PNPLA4: variants seen among roughly 807,000 people sequenced by gnomAD.
PNPLA4 encodes patatin-like phospholipase domain-containing protein 4.
PNPLA4 carries 15 observed loss-of-function variants against 18.3 expected under a neutral mutation model. That is an observed-to-expected ratio of 0.82 (90% CI 0.55 to 1.26). PNPLA4 has a LOEUF of 1.26. Among genes scored for constraint, PNPLA4 ranks in the 50% most tolerant of loss-of-function variants. PNPLA4 has a pLI of 0.00. For missense variants in PNPLA4, 229 were observed against 196.8 expected (o/e 1.16, Z -0.98); for synonymous variants, 88 against 85.6 (o/e 1.03, Z -0.16).
chrX:7,901,115 C>T (rs1206941571), intron 6 of PNPLA4, among the ~76,000 whole-genome samples: 1 of 111,415 alleles, frequency 9.0e-6, no homozygotes, highest in African/African-American at 3.3e-5. Flanking sequence ...ACCACTGGGA[C>T]ATGATAACCA....
chrX:7,911,980 C>A, intron 5 of PNPLA4, 48 bp downstream of exon 5: 1 of 873,137 alleles, frequency 1.1e-6, no homozygotes, highest in South Asian at 2.1e-5. Flanking sequence ...TCAAAAGAAA[C>A]ATATTAATAT....
chrX:7,922,573 C>T (rs1924264119), intron 2 of PNPLA4, among the ~76,000 whole-genome samples: 1 of 111,914 alleles, frequency 8.9e-6, no homozygotes, highest in Non-Finnish European at 1.9e-5. Context: ...GGAGATTCAT[C>T]TTGGGCACTG....
At chrX:7,920,341 A>G (rs774304805) in intron 4 of PNPLA4, among the ~76,000 whole-genome samples, 1 of 111,885 alleles carries the variant, frequency 8.9e-6, no homozygotes, top group Non-Finnish European at 1.9e-5. Flanking sequence ...AGGACCACTT[A>G]GCATGGGTTG....
rs749990216 is a variant in PNPLA4, at chrX:7,898,820, T to C, written c.*1866A>G. On this transcript the variant is annotated 3_prime_UTR_variant, in exon 7 of 7. Transcript: ENST00000381042. ...CCTCCCACAGGGTCAAATACATATG[T>C]AGTCGATACAAGATACTTCAAAAAA... The C allele has an allele frequency of 5.2e-4, 58 of 111,774 alleles. No homozygotes were observed. The highest frequency in any genetic ancestry group is 1.9e-3 in the African/African-American group (57 of 30,803). The allele number at this position is 111,774 out of a possible 1,213,427, so 9.2% of individuals were successfully genotyped here. A position where few individuals can be genotyped will look rare whatever the true frequency, so the allele number is the denominator to read the frequency against.
At chrX:7,927,631 T>C (rs1356527349), upstream of PNPLA4, 1 of 113,437 alleles carries the variant, frequency 8.8e-6, no homozygotes, top group Non-Finnish European at 1.9e-5. Context: ...AGAGAGGCGT[T>C]GTAATCCTTA....
At position 7,900,557 on chromosome X, in the gene PNPLA4, A is replaced by T. The variant is rs1231481307; in HGVS notation, c.*129T>A. 1 of 457,361 alleles carries T rather than the reference A, an allele frequency of 2.2e-6. No homozygotes were observed. Among genetic ancestry groups the T allele is most frequent in the East Asian group, 4.1e-5 (1 of 24,360 alleles). The allele number at this position is 457,361 out of a possible 1,213,427, so 37.7% of individuals were successfully genotyped here. On this transcript the variant is annotated 3_prime_UTR_variant, in exon 7 of 7. Transcript: ENST00000381042. ...TGTGCTAAGTAATAATTCAAATATT[A>T]AAAATAAACACAAATATTACAAGGA... is the stretch of plus-strand genomic sequence containing the variant.
Position 7,899,207 on chromosome X carries a change from T to G in PNPLA4, c.*1479A>C, listed in dbSNP as rs1283716481. The G allele has an allele frequency of 8.9e-6, 1 of 111,822 alleles. No homozygotes were observed. Among genetic ancestry groups the G allele is most frequent in the Non-Finnish European group, 1.9e-5 (1 of 53,189 alleles). 9.2% of individuals were successfully genotyped at this position (111,822 alleles called of 1,213,427 possible). A position where few individuals can be genotyped will look rare whatever the true frequency, so the allele number is the denominator to read the frequency against. On this transcript the variant is annotated 3_prime_UTR_variant, in exon 7 of 7. Transcript: ENST00000381042. ...GTGTTTATGTGCTAAAAGTTGTGTA[T>G]TTTGGCTTCTGAGAACCATAAAATT...
At chrX:7,908,625 T>A (rs188739468) in intron 5 of PNPLA4, among the ~76,000 whole-genome samples, 1 of 112,170 alleles carries the variant, frequency 8.9e-6, no homozygotes, top group African/African-American at 3.2e-5. Context: ...TCTGGTGTTA[T>A]AAACAATGCA....
At chrX:7,917,943 T>C (rs1398541053) in intron 4 of PNPLA4, among the ~76,000 whole-genome samples, 2 of 112,250 alleles carry the variant, frequency 1.8e-5, no homozygotes, top group African/African-American at 6.5e-5. Context: ...TAGTGGATAA[T>C]GAAAAACTAG....
At chrX:7,910,225 G>A (rs1923829709) in intron 5 of PNPLA4, among the ~76,000 whole-genome samples, 1 of 111,546 alleles carries the variant, frequency 9.0e-6, no homozygotes. Context: ...ATTATGATTT[G>A]CACTAGAGAG....
chrX:7,913,136 C>T (rs766664015), intron 4 of PNPLA4, among the ~76,000 whole-genome samples: 19 of 111,897 alleles, frequency 1.7e-4, no homozygotes, highest in Non-Finnish European at 3.2e-4. Flanking sequence ...TCCACTCTTG[C>T]CATGTTTATT....
chrX:7,914,668 T>C (rs1471098406), intron 4 of PNPLA4, among the ~76,000 whole-genome samples: 6 of 111,762 alleles, frequency 5.4e-5, no homozygotes, highest in African/African-American at 2.0e-4. Context: ...AATACATAAA[T>C]ATAATGATTT....
intron 3 of PNPLA4, 53 bp from the exon 4 acceptor site, chrX:7,921,901 G>A: frequency 8.8e-7 from 1 of 1,142,325 alleles, no homozygotes; most frequent in Non-Finnish European, 1.2e-6. Flanking sequence ...TGAACTCCCT[G>A]TAAATATTTT....
chrX:7,911,495 T>TC (rs1923874972), intron 5 of PNPLA4, among the ~76,000 whole-genome samples: 1 of 110,990 alleles, frequency 9.0e-6, no homozygotes, highest in South Asian at 3.9e-4. Context: ...TGGCATCCTG[T>TC]CTTAAGTGCC....
intron 4 of PNPLA4, among the ~76,000 whole-genome samples, chrX:7,920,145 A>C (rs969967005): frequency 7.8e-4 from 87 of 111,445 alleles, no homozygotes; most frequent in African/African-American, 2.6e-3. Context: ...GGATGTGGGG[A>C]GATCAGGGGC....
In PNPLA4 at chrX:7,926,022, A is replaced by C. The variant is rs751211558; in HGVS notation, c.98T>G (p.Val33Gly). 1.1e-5 allele frequency: 13 copies of C among 1,211,682 alleles called. No homozygotes were observed. The highest frequency in any genetic ancestry group is 1.5e-5 in the Non-Finnish European group (13 of 895,026). Residue 33 changes from valine to glycine, a missense_variant, in exon 2 of 7, where the codon GTG becomes GGG. Transcript: ENST00000381042. ...CCCAGCGAAGGCTTTGACATCCTTC[A>C]CAAGTTTTTTGCCATGTCTGCAAAG... is the stretch of plus-strand genomic sequence containing the variant. ...SALCRHGKKL[V>G]KDVKAFAGAS...
chrX:7,904,866 T>C (rs774725999), intron 5 of PNPLA4, among the ~76,000 whole-genome samples: 2 of 111,798 alleles, frequency 1.8e-5, no homozygotes, highest in East Asian at 5.6e-4. Context: ...CCGTTAGAGT[T>C]TTCCTGTGTG....
intron 5 of PNPLA4, among the ~76,000 whole-genome samples, chrX:7,909,317 T>C (rs1350059132): frequency 2.7e-5 from 3 of 111,783 alleles, no homozygotes; most frequent in African/African-American, 9.8e-5. Flanking sequence ...CCCAGCACTT[T>C]CGGAAGCCAA....
rs954876210 is a variant in PNPLA4, at chrX:7,927,383, C to T, written c.-111G>A. ...ACGCCATTCCGCCACCAAGGCCGCGCTACGCTCTCCGCGAGCCGGCCCAGG... is the reference window on the plus strand; with the variant it reads ...ACGCCATTCCGCCACCAAGGCCGCGTTACGCTCTCCGCGAGCCGGCCCAGG... On this transcript the variant is annotated 5_prime_UTR_variant, in exon 1 of 7. Transcript: ENST00000381042. The T allele has an allele frequency of 5.3e-5, 6 of 113,430 alleles. No individual in the cohort carries two copies. The highest frequency in any genetic ancestry group is 1.9e-4 in the African/African-American group (6 of 31,329). 9.3% of individuals were successfully genotyped at this position (113,430 alleles called of 1,213,427 possible).
Sources: allele counts gnomAD v4.1 joint callset (sites outside exome capture counted in the v4.1 genomes callset), GRCh38; gene constraint gnomAD v4.1.1; transcripts MANE v1.5; gene names NCBI Gene and HGNC (gene_info 2026-07-23, HGNC 2026-07-21).